The following HMSD variants were observed in gnomAD, a reference collection of about 807,000 sequenced individuals.
The protein encoded by HMSD is serpin-like protein HMSD.
HMSD carries 13 observed loss-of-function variants against 10.0 expected under a neutral mutation model. That is an observed-to-expected ratio of 1.31 (90% CI 0.85 to 2.08). The LOEUF is 2.08. HMSD is among the 30% of genes most tolerant of loss of function. The pLI is 0.00. For synonymous variants in HMSD, 51 were observed against 54.2 expected (o/e 0.94, Z 0.26); for missense variants, 169 against 166.3 (o/e 1.02, Z -0.09).
intron 3 of HMSD, among the ~76,000 whole-genome samples, chr18:63,959,687 C>G (rs1342612718): frequency 6.6e-6 from 1 of 152,026 alleles, no homozygotes; most frequent in East Asian, 1.9e-4. Flanking sequence ...CAACTATGTT[C>G]TTTACTAATT....
intron 3 of HMSD, among the ~76,000 whole-genome samples, chr18:63,959,756 T>C (rs2050376440): frequency 6.6e-6 from 1 of 152,236 alleles, no homozygotes; most frequent in Non-Finnish European, 1.5e-5. Flanking sequence ...CCAGTTATAA[T>C]AGTGGATTCA....
At chr18:63,968,762 T>C in intron 3 of HMSD, 1 of 152,326 alleles carries the variant, frequency 6.6e-6, no homozygotes, top group African/African-American at 2.4e-5. Context: ...GGAAGTGACC[T>C]TGGCATTTTC....
intron 3 of HMSD, among the ~76,000 whole-genome samples, chr18:63,957,825 C>T (rs979844342): frequency 1.5e-4 from 23 of 152,046 alleles, no homozygotes; most frequent in Non-Finnish European, 3.2e-4. Context: ...TATTTGTAAA[C>T]CATTTCAGAT....
chr18:63,963,990 T>C (rs1479903359), downstream of HMSD, among the ~76,000 whole-genome samples: 1 of 152,198 alleles, frequency 6.6e-6, no homozygotes, highest in Non-Finnish European at 1.5e-5. Flanking sequence ...CTGCATTTGG[T>C]CAAGATGCAA....
At chr18:63,965,413 C>T (rs1599115066), downstream of HMSD, among the ~76,000 whole-genome samples, 1 of 152,312 alleles carries the variant, frequency 6.6e-6, no homozygotes, top group African/African-American at 2.4e-5. Context: ...AGAGATCTTT[C>T]TAATTCCCTC....
downstream of HMSD, among the ~76,000 whole-genome samples, chr18:63,963,071 CTCTTTCTTTCTTTCTTTCTTTCTT>C (rs58573319): frequency 3.5e-3 from 366 of 105,010 alleles, 4 homozygotes; most frequent in East Asian, 0.01. Flanking sequence ...TCTTTTCTTT[CTCTTTCTTTCTTTCTTTCTTTCTT>C]TCTTTCTTTC....
downstream of HMSD, among the ~76,000 whole-genome samples, chr18:63,962,423 C>T (rs1041401007): frequency 1.3e-5 from 2 of 152,162 alleles, no homozygotes; most frequent in African/African-American, 4.8e-5. Flanking sequence ...AACCTGTCTC[C>T]CTTTAAGATG....
At position 63,960,574 on chromosome 18, in the gene HMSD, C is replaced by G; in HGVS notation, c.*219C>G. On this transcript the variant is annotated 3_prime_UTR_variant, in exon 4 of 4. Coordinates refer to ENST00000408945, the MANE Select transcript of HMSD (RefSeq NM_001123366.2). Reference sequence around the variant, plus strand: ...CGTTAAAATTTGAATTTAAAAATTTCTAGCTGTCTCCCTCACTGGTATTGC... The same window carrying G: ...CGTTAAAATTTGAATTTAAAAATTTGTAGCTGTCTCCCTCACTGGTATTGC... The G allele has an allele frequency of 1.7e-6, 1 of 572,296 alleles. No individual in the cohort carries two copies. The highest frequency in any genetic ancestry group is 4.3e-5 in the Admixed American group (1 of 23,254). 35.5% of individuals were successfully genotyped at this position (572,296 alleles called of 1,614,324 possible).
At chr18:63,968,921 A>G (rs997101338) in intron 3 of HMSD, 4 of 152,208 alleles carry the variant, frequency 2.6e-5, no homozygotes, top group African/African-American at 7.2e-5. Context: ...TACTTTTAGG[A>G]TTCCACAGGG....
chr18:63,955,822 C>G (rs949424322), intron 3 of HMSD, among the ~76,000 whole-genome samples: 16 of 152,210 alleles, frequency 1.1e-4, no homozygotes, highest in Admixed American at 9.2e-4. Context: ...TGTCTGGGAT[C>G]AGTGCGGTCA....
In HMSD at chr18:63,961,361, GA is replaced by G. The variant is rs1412712012; in HGVS notation, c.*1007del. On this transcript the variant is annotated 3_prime_UTR_variant, in exon 4 of 4. Coordinates refer to ENST00000408945, the MANE Select transcript of HMSD (RefSeq NM_001123366.2). ...GATAACAATATGCATATTGTTCCTAGAGGGTCTTGTGAAATTTTGTTTGTCA... is the reference window on the plus strand; with the variant it reads ...GATAACAATATGCATATTGTTCCTAGGGGTCTTGTGAAATTTTGTTTGTCA... The G allele has an allele frequency of 1.3e-5, 2 of 152,170 alleles. No individual in the cohort carries two copies. Among genetic ancestry groups the G allele is most frequent in the Admixed American group, 1.3e-4 (2 of 15,284 alleles). The allele number at this position is 152,170 out of a possible 1,614,324, so 9.4% of individuals were successfully genotyped here. A position where few individuals can be genotyped will look rare whatever the true frequency, so the allele number is the denominator to read the frequency against.
At chr18:63,958,711 C>T (rs2050371579) in intron 3 of HMSD, among the ~76,000 whole-genome samples, 1 of 152,078 alleles carries the variant, frequency 6.6e-6, no homozygotes, top group African/African-American at 2.4e-5. Context: ...TTCAGTTCCT[C>T]AGTCCAACTA....
chr18:63,950,341 G>C (rs1360859176), intron 1 of HMSD, among the ~76,000 whole-genome samples: 1 of 147,738 alleles, frequency 6.8e-6, no homozygotes, highest in African/African-American at 2.5e-5. Flanking sequence ...GCTTGAACCT[G>C]GGAGGCAGAG....
chr18:63,963,134 C>T (rs549890589), downstream of HMSD, among the ~76,000 whole-genome samples: 1,821 of 98,784 alleles, frequency 0.018, 46 homozygotes, highest in African/African-American at 0.066. Flanking sequence ...TCTTTCTTTC[C>T]TTTCTTTCTT....
At position 63,960,209 on chromosome 18, in the gene HMSD, G is replaced by C; in HGVS notation, c.274G>C (p.Asp92His). The change falls in exon 4 of 4, where the codon GAC (aspartate) becomes CAC (histidine). Residue 92 changes from aspartate to histidine, a missense_variant. Coordinates refer to ENST00000408945, the MANE Select transcript of HMSD (RefSeq NM_001123366.2). Reference sequence around the variant, plus strand: ...CTACCAAGCAACGATAAAACAGCTAGACTTTGTGAATGATACAGAGAAGTC... The same window carrying C: ...CTACCAAGCAACGATAAAACAGCTACACTTTGTGAATGATACAGAGAAGTC... ...KFYQATIKQL[D>H]FVNDTEKSTT... 1 of 1,613,270 alleles carries C rather than the reference G, an allele frequency of 6.2e-7. No homozygotes were observed. The highest frequency in any genetic ancestry group is 8.5e-7 in the Non-Finnish European group (1 of 1,179,770).
At chr18:63,953,548 A>G in intron 2 of HMSD, 21 bp downstream of exon 2, 5 of 1,591,914 alleles carry the variant, frequency 3.1e-6, no homozygotes, top group Non-Finnish European at 4.3e-6. Flanking sequence ...CCACTTCAAG[A>G]CAACAATAAG....
chr18:63,966,222 A>G (rs544570909), downstream of HMSD, among the ~76,000 whole-genome samples: 2 of 152,344 alleles, frequency 1.3e-5, no homozygotes, highest in East Asian at 3.9e-4. Flanking sequence ...GATTGTCCAG[A>G]CATCCACTTT....
At chr18:63,958,676 T>C (rs2050371405) in intron 3 of HMSD, among the ~76,000 whole-genome samples, 1 of 152,092 alleles carries the variant, frequency 6.6e-6, no homozygotes, top group Non-Finnish European at 1.5e-5. Context: ...TGTACATGAG[T>C]ATAAGGTTTC....
chr18:63,966,641 G>A (rs1018162375), downstream of HMSD: 4 of 152,120 alleles, frequency 2.6e-5, no homozygotes, highest in Non-Finnish European at 4.4e-5. Flanking sequence ...TATCACAATC[G>A]AATTAATTTT....
Sources: gnomAD v4.1 joint callset for allele counts (sites outside exome capture counted in the v4.1 genomes callset) on GRCh38, gnomAD v4.1.1 for gene constraint, MANE v1.5 for transcripts, NCBI Gene and HGNC (gene_info 2026-07-23, HGNC 2026-07-21) for gene names.